Variants in ACAD9 observed in about 807,000 individuals in gnomAD.
ACAD9 encodes the protein acyl-CoA dehydrogenase family member 9, also known as complex I assembly factor ACAD9, mitochondrial.
A neutral mutation model predicts 70.2 loss-of-function variants in ACAD9; 53 were observed. The ratio of observed to expected loss-of-function variants is 0.75; its 90% CI spans 0.61 to 0.95. The LOEUF (loss-of-function observed/expected upper bound fraction) is 0.95. ACAD9 is among the 40% of genes least tolerant of loss of function. The pLI, the probability that ACAD9 is intolerant of heterozygous loss-of-function variation, is 0.00. For synonymous variants in ACAD9, 313 were observed against 312.1 expected (o/e 1.00, Z -0.03); for missense variants, 777 against 802.8 (o/e 0.97, Z 0.39).
intron 6 of ACAD9, chr3:128,898,440 C>T (rs1030006675): frequency 1.3e-5 from 6 of 454,758 alleles, no homozygotes; most frequent in Non-Finnish European, 2.6e-5. Context: ...GGGTCCCGCT[C>T]TGTCACCCAG....
At chr3:128,882,939 GC>G (rs1367474128) in intron 1 of ACAD9, among the ~76,000 whole-genome samples, 6 of 152,152 alleles carry the variant, frequency 3.9e-5, no homozygotes, top group African/African-American at 1.4e-4. Flanking sequence ...GTCTTATCTG[GC>G]CTGCCCACTG....
chr3:128,901,142 C>CTT, intron 7 of ACAD9, 134 bp from the exon 8 acceptor site: 1 of 840,176 alleles, frequency 1.2e-6, no homozygotes, highest in Non-Finnish European at 2.0e-6. Flanking sequence ...AAGATAGGAA[C>CTT]TTTGTCTTTC....
chr3:128,897,527 T>C (rs1266631715), intron 5 of ACAD9, 105 bp from the exon 6 acceptor site: 3 of 1,025,292 alleles, frequency 2.9e-6, no homozygotes, highest in Non-Finnish European at 4.4e-6. Flanking sequence ...ATTTTAAAAG[T>C]TTGCTGACCT....
chr3:128,911,353 G>A (rs143371908), intron 17 of ACAD9, among the ~76,000 whole-genome samples: 50 of 150,562 alleles, frequency 3.3e-4, no homozygotes, highest in Non-Finnish European at 6.1e-4. Flanking sequence ...CCACCGCACC[G>A]GGCCTGCCAA....
chr3:128,888,732 T>C (rs1395965334), intron 2 of ACAD9, among the ~76,000 whole-genome samples: 1 of 152,206 alleles, frequency 6.6e-6, no homozygotes, highest in African/African-American at 2.4e-5. Flanking sequence ...TCACAAATTA[T>C]ATGTTGCTAG....
chr3:128,901,165 C>T, intron 7 of ACAD9, 111 bp from the exon 8 acceptor site: 1 of 1,009,604 alleles, frequency 9.9e-7, no homozygotes. Flanking sequence ...TACTGTCCTA[C>T]CAAACATTGG....
intron 3 of ACAD9, among the ~76,000 whole-genome samples, chr3:128,895,078 T>C (rs1935531917): frequency 6.6e-6 from 1 of 151,878 alleles, no homozygotes; most frequent in African/African-American, 2.4e-5. Flanking sequence ...GGTTTTGCCA[T>C]GTTGGCCAGG....
intron 2 of ACAD9, among the ~76,000 whole-genome samples, chr3:128,889,672 A>G (rs895630786): frequency 2.6e-5 from 4 of 152,138 alleles, no homozygotes; most frequent in African/African-American, 9.7e-5. Flanking sequence ...TGGTGCATGT[A>G]TTGGTAGTGG....
At chr3:128,885,799 C>G (rs1214608492) in intron 2 of ACAD9, among the ~76,000 whole-genome samples, 1 of 152,070 alleles carries the variant, frequency 6.6e-6, no homozygotes, top group African/African-American at 2.4e-5. Flanking sequence ...GACAGATCAC[C>G]TGAGGTCTGG....
chr3:128,906,860 G>A (rs1018149903), intron 12 of ACAD9, among the ~76,000 whole-genome samples: 1 of 152,190 alleles, frequency 6.6e-6, no homozygotes, highest in African/African-American at 2.4e-5. Context: ...AGACTGTGGA[G>A]GACCTTGATT....
intron 1 of ACAD9, among the ~76,000 whole-genome samples, chr3:128,882,260 A>G (rs1935116376): frequency 6.6e-6 from 1 of 152,148 alleles, no homozygotes; most frequent in Non-Finnish European, 1.5e-5. Context: ...ATAGATCCCA[A>G]ACTGAGTTCC....
chr3:128,904,173 T>C, intron 10 of ACAD9, 41 bp downstream of exon 10: 11 of 1,606,478 alleles, frequency 6.8e-6, no homozygotes, highest in Non-Finnish European at 9.4e-6. Context: ...TTTCACTGTG[T>C]GACATGAACG....
chr3:128,908,868 G>A (rs985128410), intron 13 of ACAD9, 105 bp from the exon 14 acceptor site: 22 of 1,581,726 alleles, frequency 1.4e-5, no homozygotes, highest in Non-Finnish European at 1.8e-5. Flanking sequence ...AGCATACCCA[G>A]GCCAGAGGGG....
chr3:128,907,107 A>G (rs1935915678), intron 12 of ACAD9, among the ~76,000 whole-genome samples: 1 of 152,070 alleles, frequency 6.6e-6, no homozygotes, highest in Non-Finnish European at 1.5e-5. Context: ...GGGCATGGGT[A>G]TACAGGAGGC....
intron 6 of ACAD9, chr3:128,898,488 C>T (rs1559825065): frequency 2.3e-6 from 1 of 442,090 alleles, no homozygotes; most frequent in South Asian, 1.6e-5. Flanking sequence ...TCACTGCAGC[C>T]TCAACTTCCT....
At chr3:128,889,166 TA>T (rs567559276) in intron 2 of ACAD9, among the ~76,000 whole-genome samples, 2,102 of 141,830 alleles carry the variant, frequency 0.015, 18 homozygotes, top group Non-Finnish European at 0.023. Flanking sequence ...TTGTTTTCCT[TA>T]AAAAAAAAAA....
rs112651258 is a variant in ACAD9 at position 128,887,334 on chromosome 3, G to A, written c.244+2588G>A. ...AATATATAAGAAACCGGCTGGGCAC[G>A]GTGGCTCACACTGGTAATCTTAGCA... is the stretch of plus-strand genomic sequence containing the variant. On this transcript the variant is annotated intron_variant, in intron 2 of 17. Transcript: ENST00000308982. 8.4e-3 allele frequency among the ~76,000 whole-genome samples: 1,284 copies of A among 152,182 alleles called. 23 individuals are homozygous for A. The highest frequency in any genetic ancestry group is 0.029 in the African/African-American group (1,193 of 41,522).
chr3:128,891,896 C>G (rs1349379695), intron 2 of ACAD9, among the ~76,000 whole-genome samples: 1 of 152,118 alleles, frequency 6.6e-6, no homozygotes, highest in Non-Finnish European at 1.5e-5. Flanking sequence ...CTTCTTGGCT[C>G]TGTGTGTTTA....
At chr3:128,881,678 C>G (rs1428324079) in intron 1 of ACAD9, among the ~76,000 whole-genome samples, 2 of 152,192 alleles carry the variant, frequency 1.3e-5, no homozygotes, top group Non-Finnish European at 2.9e-5. Flanking sequence ...TCCTACTTGA[C>G]CCATCATTGG....
Sources: gnomAD v4.1 joint callset for allele counts (sites outside exome capture counted in the v4.1 genomes callset) on GRCh38, gnomAD v4.1.1 for gene constraint, MANE v1.5 for transcripts, NCBI Gene and HGNC (gene_info 2026-07-23, HGNC 2026-07-21) for gene names.